RAD51: variants seen among roughly 807,000 people sequenced by gnomAD.
The protein encoded by RAD51 is RAD51 recombinase.
In RAD51, 14 loss-of-function variants were observed where a neutral mutation model predicts 41.5. The observed-to-expected ratio is 0.34, with a 90% CI of 0.22 to 0.53. The LOEUF (loss-of-function observed/expected upper bound fraction) is 0.53, where lower values mean the gene tolerates loss of function less well. RAD51 is among the 20% of genes least tolerant of loss of function. The pLI is 0.95. For synonymous variants in RAD51, 136 were observed against 148.6 expected, an observed-to-expected ratio of 0.92 and a Z score of 0.62; for missense variants, 234 against 422.0, an observed-to-expected ratio of 0.55 and a Z score of 3.90.
At chr15:40,720,116 CCT>C (rs1176953198) in intron 6 of RAD51, among the ~76,000 whole-genome samples, 1 of 151,908 alleles carries the variant, frequency 6.6e-6, no homozygotes, top group Non-Finnish European at 1.5e-5. Context: ...CTGTGAAAAA[CCT>C]ACAGGTAGCA....
intron 5 of RAD51, among the ~76,000 whole-genome samples, chr15:40,718,516 GAAA>G (rs57006094): frequency 7.2e-6 from 1 of 138,206 alleles, no homozygotes; most frequent in Admixed American, 7.2e-5. Context: ...ACTATCGCAA[GAAA>G]AAAAAAAAAA....
chr15:40,715,219 G>T (rs1230387425), intron 5 of RAD51, among the ~76,000 whole-genome samples: 2 of 152,118 alleles, frequency 1.3e-5, no homozygotes, highest in Non-Finnish European at 2.9e-5. Flanking sequence ...AGCCAGGCGT[G>T]GGGGTGGGCG....
intron 6 of RAD51, among the ~76,000 whole-genome samples, chr15:40,719,559 G>A (rs1896166127): frequency 6.6e-6 from 1 of 152,220 alleles, no homozygotes; most frequent in South Asian, 2.1e-4. Context: ...TTGGCTGGGC[G>A]CTGTGGCTCA....
rs549322237 is a variant in RAD51 at position 40,729,098 on chromosome 15, C to T, written c.644+274C>T. Among the ~76,000 whole-genome samples, 30 of 152,188 alleles carry T rather than the reference C, an allele frequency of 2.0e-4. No homozygotes were observed. Among genetic ancestry groups the T allele is most frequent in the African/African-American group, 6.5e-4 (27 of 41,548 alleles). On this transcript the variant is annotated intron_variant, in intron 7 of 9. Transcript: ENST00000267868. ...ATAAAACATCTATATACAGGCCGGGCGCGGTGGCTCAAGCCTGTAATCCCA... is the reference window on the plus strand; with the variant it reads ...ATAAAACATCTATATACAGGCCGGGTGCGGTGGCTCAAGCCTGTAATCCCA...
chr15:40,715,365 CAAAAACCAAAAAACCACAAAACA>C, intron 5 of RAD51, among the ~76,000 whole-genome samples: 1 of 40,286 alleles, frequency 2.5e-5, no homozygotes, highest in Non-Finnish European at 5.9e-5. Context: ...AAAAAAAAAC[CAAAAACCAAAAAACCACAAAACA>C]AAAAAATCAC....
intron 1 of RAD51, among the ~76,000 whole-genome samples, chr15:40,696,555 C>T (rs538545330): frequency 1.3e-5 from 2 of 152,258 alleles, no homozygotes; most frequent in African/African-American, 2.4e-5. Context: ...GGCGATAGAG[C>T]AAGACAAAAT....
chr15:40,729,776 G>A, intron 8 of RAD51, 77 bp from the exon 9 acceptor site: 2 of 1,611,314 alleles, frequency 1.2e-6, no homozygotes, highest in Non-Finnish European at 1.7e-6. Context: ...GTTATTTTGT[G>A]GGGGAAAGTG....
At chr15:40,699,128 C>G (rs182925310) in intron 2 of RAD51, among the ~76,000 whole-genome samples, 1 of 152,264 alleles carries the variant, frequency 6.6e-6, no homozygotes, top group East Asian at 1.9e-4. Context: ...GGTGGAATCT[C>G]TGTGCTGTTT....
chr15:40,701,361 C>CTTTTTTTTTTTTTTTTTTTTTTTTTTTTT (rs946965505), intron 3 of RAD51, among the ~76,000 whole-genome samples, 160 bp downstream of exon 3: 1 of 139,828 alleles, frequency 7.2e-6, no homozygotes, highest in Non-Finnish European at 1.5e-5. Flanking sequence ...CTTTTCTTTT[C>CTTTTTTTTTTTTTTTTTTTTTTTTTTTTT]TTTTTTTTTT....
intron 5 of RAD51, among the ~76,000 whole-genome samples, chr15:40,712,661 C>A (rs1895762901): frequency 6.6e-6 from 1 of 152,090 alleles, no homozygotes; most frequent in African/African-American, 2.4e-5. Flanking sequence ...CTGTTATAAT[C>A]TTTTGAAGCT....
intron 5 of RAD51, 70 bp downstream of exon 5, chr15:40,709,186 G>T: frequency 7.4e-7 from 1 of 1,345,034 alleles, no homozygotes; most frequent in Non-Finnish European, 1.1e-6. Flanking sequence ...GCAAGCATCT[G>T]TTAGGATGGC....
At chr15:40,701,008 T>C (rs1595979388) in intron 2 of RAD51, 56 bp from the exon 3 acceptor site, 1 of 1,557,788 alleles carries the variant, frequency 6.4e-7, no homozygotes, top group East Asian at 2.5e-5. Context: ...ACATAACATC[T>C]GTGTTAGATT....
intron 5 of RAD51, among the ~76,000 whole-genome samples, chr15:40,714,341 T>C (rs1895878992): frequency 6.6e-6 from 1 of 152,252 alleles, no homozygotes; most frequent in Admixed American, 6.5e-5. Context: ...TGACATGATA[T>C]GTGACCTTTT....
At chr15:40,725,189 G>A (rs1160546062) in intron 6 of RAD51, among the ~76,000 whole-genome samples, 2 of 152,020 alleles carry the variant, frequency 1.3e-5, no homozygotes, top group Non-Finnish European at 2.9e-5. Flanking sequence ...GTGAGCCACC[G>A]TGCCTGGCCT....
At chr15:40,704,449 C>T (rs1895201737) in intron 3 of RAD51, among the ~76,000 whole-genome samples, 2 of 151,338 alleles carry the variant, frequency 1.3e-5, no homozygotes, top group Admixed American at 1.3e-4. Flanking sequence ...GCAACCTCCG[C>T]CGCCCGGGTT....
At position 40,729,648 on chromosome 15, in the gene RAD51, T is replaced by C. The variant is rs773209237; in HGVS notation, c.774+14T>C. The C allele has an allele frequency of 1.2e-5, 19 of 1,613,276 alleles. No homozygotes were observed. The highest frequency in any genetic ancestry group is 1.7e-6 in the Non-Finnish European group (2 of 1,179,934). ...CTCGCTGATGAGGTAAGTTGTGGGATAGGGACAGAGAATGCCTACTTTCAG... is the reference window on the plus strand; with the variant it reads ...CTCGCTGATGAGGTAAGTTGTGGGACAGGGACAGAGAATGCCTACTTTCAG... On this transcript the variant is annotated intron_variant, in intron 8 of 9. Transcript: ENST00000267868.
chr15:40,698,088 G>A (rs1435087092), intron 1 of RAD51, among the ~76,000 whole-genome samples: 3 of 151,890 alleles, frequency 2.0e-5, no homozygotes, highest in African/African-American at 7.3e-5. Flanking sequence ...TGTGCCTGTT[G>A]ACCAACCTCT....
chr15:40,719,714 C>T (rs1438773641), intron 6 of RAD51, among the ~76,000 whole-genome samples: 1 of 152,056 alleles, frequency 6.6e-6, no homozygotes, highest in African/African-American at 2.4e-5. Flanking sequence ...TGCCTGTAGT[C>T]CCAGCTACTC....
chr15:40,730,515 T>TTTTTATTTTTTTTTTTTTC, intron 9 of RAD51, among the ~76,000 whole-genome samples: 1 of 117,702 alleles, frequency 8.5e-6, no homozygotes, highest in East Asian at 3.1e-4. Flanking sequence ...GAAAAAATTT[T>TTTTTATTTTTTTTTTTTTC]TTTTCTTTTT....
Sources: gnomAD v4.1 joint callset for allele counts (sites outside exome capture counted in the v4.1 genomes callset) on GRCh38, gnomAD v4.1.1 for gene constraint, MANE v1.5 for transcripts, NCBI Gene and HGNC (gene_info 2026-07-23, HGNC 2026-07-21) for gene names.